Variants in SCFD2 observed in about 807,000 individuals in gnomAD.
SCFD2 encodes sec1 family domain containing 2, also known as sec1 family domain-containing protein 2.
A neutral mutation model predicts 58.9 loss-of-function variants in SCFD2; 54 were observed. That is an observed-to-expected ratio of 0.92 (90% CI 0.74 to 1.15). The LOEUF (loss-of-function observed/expected upper bound fraction) is 1.15, where lower values mean the gene tolerates loss of function less well. Among genes scored for constraint, SCFD2 ranks in the 50% most tolerant of loss-of-function variants. The probability of loss-of-function intolerance (pLI) is 0.00; values close to 1 mark genes in which losing one functional copy is unlikely to be tolerated. For missense variants in SCFD2, 805 were observed against 836.6 expected (o/e 0.96, Z 0.47); for synonymous variants, 321 against 335.9 (o/e 0.96, Z 0.49).
Position 53,049,327 on chromosome 4 carries a change from G to A in SCFD2, c.1561+96006C>T, listed in dbSNP as rs1454760875. Among the ~76,000 whole-genome samples, 3 of 152,336 alleles carry A rather than the reference G, an allele frequency of 2.0e-5. No homozygotes were observed. The South Asian group carries it at 6.2e-4, about 32-fold the overall frequency. On this transcript the variant is annotated intron_variant, in intron 5 of 8. Coordinates refer to ENST00000401642, the MANE Select transcript of SCFD2 (RefSeq NM_152540.4). ...ATGCAAGAGGATGGTGAAGAGGAAT[G>A]TTTAGTGACCTGAGTGTAGATTATT...
chr4:53,148,129 C>T (rs939707626), intron 4 of SCFD2, among the ~76,000 whole-genome samples: 2 of 152,180 alleles, frequency 1.3e-5, no homozygotes, highest in Non-Finnish European at 2.9e-5. Context: ...ATCTATCCTA[C>T]AGGGGCCCTC....
intron 5 of SCFD2, among the ~76,000 whole-genome samples, chr4:53,036,165 T>G (rs1308191472): frequency 1.3e-5 from 2 of 151,912 alleles, no homozygotes; most frequent in African/African-American, 2.4e-5. Context: ...ACCCATCAAC[T>G]CGTCATTTAC....
At chr4:53,254,860 ATTTAT>A (rs1553892785) in intron 4 of SCFD2, among the ~76,000 whole-genome samples, 60 of 47,530 alleles carry the variant, frequency 1.3e-3, no homozygotes, top group African/African-American at 4.1e-3. Context: ...ATTTTATTTT[ATTTAT>A]TTTATTTTAT....
chr4:53,309,482 CCA>C (rs942675408), intron 3 of SCFD2, among the ~76,000 whole-genome samples: 1 of 151,918 alleles, frequency 6.6e-6, no homozygotes, highest in African/African-American at 2.4e-5. Flanking sequence ...AAAAGTGTGA[CCA>C]CAGAGGATTA....
chr4:53,207,469 T>C (rs1271989528), intron 4 of SCFD2, among the ~76,000 whole-genome samples: 1 of 43,922 alleles, frequency 2.3e-5, no homozygotes, highest in Non-Finnish European at 3.8e-5. Context: ...GGCTGAGTAG[T>C]TTGAAATATA....
At chr4:53,014,660 T>C (rs1271894321) in intron 5 of SCFD2, among the ~76,000 whole-genome samples, 2 of 152,216 alleles carry the variant, frequency 1.3e-5, no homozygotes, top group African/African-American at 2.4e-5. Flanking sequence ...TTAGGGCTCC[T>C]TGGGCTCCCC....
chr4:53,245,312 A>C (rs1207610063), intron 4 of SCFD2, among the ~76,000 whole-genome samples: 1 of 152,134 alleles, frequency 6.6e-6, no homozygotes, highest in Non-Finnish European at 1.5e-5. Context: ...AAAAGGGGAA[A>C]ACTTCAGGCC....
At chr4:53,153,296 G>A (rs753340793) in intron 4 of SCFD2, among the ~76,000 whole-genome samples, 1 of 152,198 alleles carries the variant, frequency 6.6e-6, no homozygotes, top group Admixed American at 6.5e-5. Context: ...AATCTAGGGG[G>A]AAGCTGCCAA....
intron 3 of SCFD2, among the ~76,000 whole-genome samples, chr4:53,289,461 G>T (rs911568841): frequency 6.6e-6 from 1 of 151,946 alleles, no homozygotes; most frequent in Non-Finnish European, 1.5e-5. Context: ...CCACAGAGCA[G>T]AAAACTATGG....
intron 2 of SCFD2, among the ~76,000 whole-genome samples, chr4:53,323,883 G>A (rs1733100653): frequency 6.6e-6 from 1 of 152,092 alleles, no homozygotes; most frequent in Admixed American, 6.6e-5. Context: ...CTAAGGAACA[G>A]AGTAAAGAGG....
chr4:53,362,417 T>C (rs541767613), intron 1 of SCFD2, among the ~76,000 whole-genome samples: 1 of 152,212 alleles, frequency 6.6e-6, no homozygotes, highest in Non-Finnish European at 1.5e-5. Flanking sequence ...ATAGTTATGC[T>C]TTGAGGGATT....
In SCFD2 at chr4:53,145,363, C is replaced by G. The variant is rs1726294760; in HGVS notation, c.1531G>C (p.Gly511Arg). The G allele has an allele frequency of 8.7e-6, 14 of 1,613,992 alleles. No individual in the cohort carries two copies. The highest frequency in any genetic ancestry group is 1.2e-5 in the Non-Finnish European group (14 of 1,180,030). Residue 511 changes from glycine to arginine, a missense_variant, in exon 5 of 9, where the codon GGA becomes CGA. Gly to Arg is a moderately radical substitution (Grantham distance 125). Transcript: ENST00000401642. ...ALAQVFCEES[G>R]LSPLLQKITD... is the part of the protein sequence containing the mutation. ...ATTTTTTGCAGCAAAGGTGACAATC[C>G]AGATTCCTCACAGAAGACCTGAGCC...
In SCFD2 at chr4:52,981,724, C is replaced by T. The variant is rs561017181; in HGVS notation, c.1562-60854G>A. Among the ~76,000 whole-genome samples, 181 of 152,166 alleles carry T rather than the reference C, an allele frequency of 1.2e-3. 1 individual carries two copies. Among genetic ancestry groups the T allele is most frequent in the African/African-American group, 4.3e-3 (178 of 41,506 alleles). ...AGTCAAAAAGAATTTGGAAGGGGTA[C>T]AGGGTGAGCCAGGAGAGACGGTCAG... is the stretch of plus-strand genomic sequence containing the variant. On this transcript the variant is annotated intron_variant, in intron 5 of 8. Coordinates refer to ENST00000401642, the MANE Select transcript of SCFD2 (RefSeq NM_152540.4).
At chr4:53,153,220 T>C (rs1281338158) in intron 4 of SCFD2, among the ~76,000 whole-genome samples, 1 of 152,248 alleles carries the variant, frequency 6.6e-6, no homozygotes, top group Non-Finnish European at 1.5e-5. Flanking sequence ...AGAGTCTCTC[T>C]GCAGGGGCTC....
intron 5 of SCFD2, among the ~76,000 whole-genome samples, chr4:52,970,691 G>A (rs956998090): frequency 3.9e-5 from 6 of 152,162 alleles, no homozygotes; most frequent in South Asian, 4.1e-4. Context: ...GCACGCAGCC[G>A]GAAATATGAG....
intron 5 of SCFD2, among the ~76,000 whole-genome samples, chr4:52,947,708 G>A (rs116503922): frequency 7.0e-4 from 105 of 150,408 alleles, no homozygotes; most frequent in African/African-American, 2.0e-3. Flanking sequence ...AATGGTGTTC[G>A]CAAAAAAACG....
intron 1 of SCFD2, among the ~76,000 whole-genome samples, chr4:53,358,589 A>G (rs1176627260): frequency 6.6e-6 from 1 of 152,030 alleles, no homozygotes; most frequent in Non-Finnish European, 1.5e-5. Flanking sequence ...ACATGAAGCT[A>G]AAATTCAGAA....
At chr4:53,171,153 T>C (rs1427144799) in intron 4 of SCFD2, among the ~76,000 whole-genome samples, 2 of 152,226 alleles carry the variant, frequency 1.3e-5, no homozygotes, top group African/African-American at 4.8e-5. Flanking sequence ...AAATGTTAGC[T>C]GTGAGCTTGC....
intron 6 of SCFD2, among the ~76,000 whole-genome samples, chr4:52,920,227 T>G (rs1486007560): frequency 6.6e-6 from 1 of 152,238 alleles, no homozygotes; most frequent in Non-Finnish European, 1.5e-5. Flanking sequence ...TCTTCTTAGG[T>G]CCTCCTGCCC....
Sources: allele counts gnomAD v4.1 joint callset (sites outside exome capture counted in the v4.1 genomes callset), GRCh38; gene constraint gnomAD v4.1.1; transcripts MANE v1.5; gene names NCBI Gene and HGNC (gene_info 2026-07-23, HGNC 2026-07-21).